ARID4B: variants seen among roughly 807,000 people sequenced by gnomAD.
The protein encoded by ARID4B is AT-rich interactive domain-containing protein 4B.
ARID4B carries 26 observed loss-of-function variants against 147.5 expected under a neutral mutation model. The observed-to-expected ratio is 0.18, with a 90% CI of 0.13 to 0.24. The LOEUF (loss-of-function observed/expected upper bound fraction) is 0.24. ARID4B is among the 10% of genes least tolerant of loss of function. The probability of loss-of-function intolerance (pLI) is 1.00; values close to 1 mark genes in which losing one functional copy is unlikely to be tolerated. For missense variants in ARID4B, 1,179 were observed against 1,511.5 expected, an observed-to-expected ratio of 0.78 and a Z score of 3.65; for synonymous variants, 512 against 507.9, an observed-to-expected ratio of 1.01 and a Z score of -0.11.
intron 23 of ARID4B, among the ~76,000 whole-genome samples, chr1:235,171,685 G>A (rs1310124116): frequency 6.6e-6 from 1 of 151,902 alleles, no homozygotes; most frequent in African/African-American, 2.4e-5. Flanking sequence ...TGTTGCCCAG[G>A]CTGGAGTGCA....
At chr1:235,206,022 A>G (rs995766834) in intron 17 of ARID4B, among the ~76,000 whole-genome samples, 1 of 152,190 alleles carries the variant, frequency 6.6e-6, no homozygotes, top group Non-Finnish European at 1.5e-5. Context: ...GGGTCAAGCC[A>G]TATCTGTCCC....
intron 5 of ARID4B, among the ~76,000 whole-genome samples, chr1:235,253,711 T>C (rs1174244734): frequency 1.3e-5 from 2 of 152,218 alleles, no homozygotes; most frequent in African/African-American, 2.4e-5. Context: ...ATTTGTATTA[T>C]ATGCATAAAT....
intron 12 of ARID4B, among the ~76,000 whole-genome samples, 168 bp downstream of exon 12, chr1:235,224,535 C>T (rs1301968330): frequency 1.3e-5 from 2 of 152,166 alleles, no homozygotes; most frequent in African/African-American, 4.8e-5. Context: ...CCTCATTCTA[C>T]TTGTTACGTG....
At chr1:235,274,672 A>G (rs1448278813) in intron 2 of ARID4B, among the ~76,000 whole-genome samples, 5 of 152,216 alleles carry the variant, frequency 3.3e-5, no homozygotes. Context: ...AGAATTTCGG[A>G]GAAGTCCAGT....
chr1:235,209,083 A>G (rs565011236), intron 17 of ARID4B, among the ~76,000 whole-genome samples: 13 of 152,282 alleles, frequency 8.5e-5, no homozygotes, highest in African/African-American at 2.4e-4. Flanking sequence ...TTTTTTCATC[A>G]CAACAGTAGA....
intron 23 of ARID4B, among the ~76,000 whole-genome samples, chr1:235,169,037 C>T (rs1220979766): frequency 6.6e-6 from 1 of 152,150 alleles, no homozygotes; most frequent in Admixed American, 6.6e-5. Context: ...CCTCCTAATC[C>T]CTCCATCTTT....
intron 2 of ARID4B, among the ~76,000 whole-genome samples, chr1:235,296,615 G>A (rs1187179518): frequency 6.6e-6 from 1 of 151,592 alleles, no homozygotes; most frequent in East Asian, 1.9e-4. Context: ...ACACCACCAT[G>A]CCTGGCTAAT....
intron 17 of ARID4B, among the ~76,000 whole-genome samples, chr1:235,208,728 A>G (rs1666497043): frequency 6.6e-6 from 1 of 151,516 alleles, no homozygotes; most frequent in South Asian, 2.1e-4. Flanking sequence ...CTGGTCTCGA[A>G]CTGGTCTCGA....
At position 235,177,791 on chromosome 1, in the gene ARID4B, C is replaced by A. The variant is rs777596152; in HGVS notation, c.3448+9G>T. On this transcript the variant is annotated intron_variant, in intron 21 of 23. Transcript: ENST00000264183. ...TTTATATTTTAAAAATTAGAGATTTCACACTTACTGCCTTTTCCCTTCTTT... is the reference window on the plus strand; with the variant it reads ...TTTATATTTTAAAAATTAGAGATTTAACACTTACTGCCTTTTCCCTTCTTT... The A allele has an allele frequency of 3.2e-6, 5 of 1,566,434 alleles. No homozygotes were observed. The African/African-American group carries it at 6.8e-5, about 21-fold the overall frequency.
chr1:235,315,046 T>C (rs910912067), intron 2 of ARID4B, among the ~76,000 whole-genome samples: 1 of 152,214 alleles, frequency 6.6e-6, no homozygotes, highest in Admixed American at 6.5e-5. Context: ...ATTTCAGATA[T>C]TCTAGTTGTC....
chr1:235,230,168 G>C (rs1436059790), intron 10 of ARID4B, among the ~76,000 whole-genome samples: 1 of 152,144 alleles, frequency 6.6e-6, no homozygotes, highest in African/African-American at 2.4e-5. Flanking sequence ...TGTAATCCCA[G>C]CACTTAGGAG....
At chr1:235,320,951 C>G (rs138031266) in intron 2 of ARID4B, among the ~76,000 whole-genome samples, 1 of 152,096 alleles carries the variant, frequency 6.6e-6, no homozygotes, top group Non-Finnish European at 1.5e-5. Context: ...ATTCTGATTC[C>G]GTATCATTTC....
chr1:235,267,063 A>C (rs1391848389), intron 2 of ARID4B, among the ~76,000 whole-genome samples: 1 of 151,708 alleles, frequency 6.6e-6, no homozygotes, highest in Non-Finnish European at 1.5e-5. Flanking sequence ...AGATTGTTTG[A>C]GCTCAGGAGT....
intron 20 of ARID4B, 24 bp from the exon 21 acceptor site, chr1:235,177,937 A>G (rs1321006061): frequency 6.5e-6 from 9 of 1,380,742 alleles, no homozygotes; most frequent in Non-Finnish European, 8.9e-6. Flanking sequence ...GGAATTAAGT[A>G]ACACAAAATA....
chr1:235,192,207 T>C (rs184767427), intron 19 of ARID4B, among the ~76,000 whole-genome samples: 2 of 151,844 alleles, frequency 1.3e-5, no homozygotes, highest in Admixed American at 1.3e-4. Context: ...TATAATTACT[T>C]CTGGGAGGAG....
At chr1:235,241,962 G>A (rs530844562) in intron 7 of ARID4B, among the ~76,000 whole-genome samples, 2 of 151,968 alleles carry the variant, frequency 1.3e-5, no homozygotes, top group Non-Finnish European at 2.9e-5. Context: ...CTATTGAATA[G>A]AAGTACTGTA....
intron 16 of ARID4B, 138 bp from the exon 17 acceptor site, chr1:235,214,164 G>A (rs1025156067): frequency 9.4e-6 from 10 of 1,059,172 alleles, no homozygotes; most frequent in Non-Finnish European, 1.2e-5. Context: ...AATTCTCAGA[G>A]TTTCATTTTA....
At chr1:235,175,453 C>A in intron 21 of ARID4B, 54 bp from the exon 22 acceptor site, 1 of 1,429,082 alleles carries the variant, frequency 7.0e-7, no homozygotes, top group Admixed American at 1.8e-5. Flanking sequence ...AAATTTGTCA[C>A]AGATTTTAGT....
chr1:235,298,245 A>G (rs1393942376), intron 2 of ARID4B, among the ~76,000 whole-genome samples: 3 of 152,170 alleles, frequency 2.0e-5, no homozygotes, highest in Non-Finnish European at 4.4e-5. Flanking sequence ...ATGAATATGT[A>G]AAACATCAGT....
Sources: gnomAD v4.1 joint callset for allele counts (sites outside exome capture counted in the v4.1 genomes callset) on GRCh38, gnomAD v4.1.1 for gene constraint, MANE v1.5 for transcripts, NCBI Gene and HGNC (gene_info 2026-07-23, HGNC 2026-07-21) for gene names.